PODN: variants seen among roughly 807,000 people sequenced by gnomAD.
The protein encoded by PODN is podocan.
A neutral mutation model predicts 52.7 loss-of-function variants in PODN; 40 were observed. That is an observed-to-expected ratio of 0.76 (90% CI 0.59 to 0.99). The LOEUF (loss-of-function observed/expected upper bound fraction) is 0.99. Ranked by LOEUF, PODN falls within the 50% of genes least tolerant of loss-of-function variation. PODN has a pLI of 0.00. For synonymous variants in PODN, 396 were observed against 377.9 expected (o/e 1.05, Z -0.56); for missense variants, 720 against 815.1 (o/e 0.88, Z 1.42).
chr1:53,077,395 G>A (rs759999985), intron 6 of PODN, 49 bp downstream of exon 6: 1 of 1,601,322 alleles, frequency 6.2e-7, no homozygotes, highest in Non-Finnish European at 8.5e-7. Flanking sequence ...CACAGCCAGG[G>A]CACTGGGGCA....
At chr1:53,081,918 G>C (rs749379661) in intron 9 of PODN, 63 bp from the exon 10 acceptor site, 16 of 1,530,538 alleles carry the variant, frequency 1.0e-5, no homozygotes, top group Admixed American at 4.0e-5. Context: ...GAGGCCAGTC[G>C]GGGGAAGGGA....
At chr1:53,070,307 C>G in intron 2 of PODN, 140 bp downstream of exon 2, 1 of 1,336,464 alleles carries the variant, frequency 7.5e-7, no homozygotes, top group Non-Finnish European at 1.0e-6. Flanking sequence ...CCACAGGGTG[C>G]TGGGGCAGGT....
At chr1:53,071,511 C>T (rs1644116157) in intron 2 of PODN, 24 bp from the exon 3 acceptor site, 1 of 1,592,158 alleles carries the variant, frequency 6.3e-7, no homozygotes, top group Non-Finnish European at 8.6e-7. Context: ...GATGCTGCTT[C>T]CTTGCGGCCC....
At chr1:53,068,745 C>T (rs1407864198) in intron 1 of PODN, among the ~76,000 whole-genome samples, 1 of 152,172 alleles carries the variant, frequency 6.6e-6, no homozygotes, top group African/African-American at 2.4e-5. Context: ...CCAGAGATGT[C>T]TGAGTCCCTG....
intron 5 of PODN, among the ~76,000 whole-genome samples, chr1:53,076,455 C>T (rs1036367403): frequency 1.3e-5 from 2 of 152,168 alleles, no homozygotes; most frequent in Non-Finnish European, 2.9e-5. Flanking sequence ...CTGTACACGG[C>T]CCCATCCCAC....
In PODN at chr1:53,063,482, TG is replaced by T. The variant is rs1394438382; in HGVS notation, c.-56+1177del. The T allele has an allele frequency of 4.1e-6, 4 of 985,242 alleles. No individual in the cohort carries two copies. In the African/African-American group the frequency reaches 7.0e-5, roughly 17 times the overall value. The allele number at this position is 985,242 out of a possible 1,614,324, so 61.0% of individuals were successfully genotyped here. A position where few individuals can be genotyped will look rare whatever the true frequency, so the allele number is the denominator to read the frequency against. ...TCCTTTATATAGAAACCTTCCACAC[TG>T]GGAAGGCAGCGGCGAGGCAGGAGGG... On this transcript the variant is annotated intron_variant, in intron 1 of 10. Transcript: ENST00000312553.
chr1:53,075,946 A>T lies in PODN; in HGVS notation c.556A>T (p.Thr186Ser). ...CTATCTCACCAAGATCTATGGGCTC[A>T]CCTTTGGCCAGAAGCCAAACTTGAG... The part of the protein sequence containing the change: ...ANYLTKIYGL[T>S]FGQKPNLRSV... Residue 186 changes from threonine (T) to serine (S), a missense_variant, in exon 5 of 11, where the codon ACC becomes TCC. Physicochemically the swap from Thr to Ser is moderately conservative, Grantham distance 58 (BLOSUM62 1). Coordinates refer to ENST00000312553, the MANE Select transcript of PODN (RefSeq NM_153703.5). 1.3e-6 allele frequency: 2 copies of T among 1,598,198 alleles called. No homozygotes were observed. The highest frequency in any genetic ancestry group is 1.7e-6 in the Non-Finnish European group (2 of 1,170,744).
intron 1 of PODN, among the ~76,000 whole-genome samples, chr1:53,062,567 C>T (rs1643973551): frequency 6.6e-6 from 1 of 152,232 alleles, no homozygotes; most frequent in Non-Finnish European, 1.5e-5. Context: ...CCAGGCCCCT[C>T]CCGCTGCGCA....
At chr1:53,077,369 G>A in intron 6 of PODN, 23 bp downstream of exon 6, 1 of 1,611,432 alleles carries the variant, frequency 6.2e-7, no homozygotes, top group Non-Finnish European at 8.5e-7. Flanking sequence ...GGGGTAAGGA[G>A]GGGCACAGCA....
intron 2 of PODN, chr1:53,071,228 T>G (rs1572263321): frequency 4.3e-6 from 1 of 233,772 alleles, no homozygotes; most frequent in Non-Finnish European, 8.2e-6. Context: ...TGTCACGAGG[T>G]GGGAACGCTC....
chr1:53,067,452 T>C (rs1390204553), intron 1 of PODN, among the ~76,000 whole-genome samples: 1 of 152,064 alleles, frequency 6.6e-6, no homozygotes, highest in East Asian at 1.9e-4. Flanking sequence ...CAGTGCCCAG[T>C]ACAGGCCCAG....
chr1:53,065,095 G>A (rs879541570), intron 1 of PODN, among the ~76,000 whole-genome samples: 27 of 152,250 alleles, frequency 1.8e-4, no homozygotes, highest in Admixed American at 1.7e-3. Flanking sequence ...TGGGTACAGT[G>A]GCTCATGCCT....
intron 1 of PODN, chr1:53,063,271 G>C: frequency 1.2e-6 from 1 of 801,158 alleles, no homozygotes; most frequent in Non-Finnish European, 1.5e-6. Flanking sequence ...CCCGGTGCGC[G>C]CGGCACTGAC....
intron 1 of PODN, among the ~76,000 whole-genome samples, chr1:53,063,878 G>A (rs1002835093): frequency 4.6e-5 from 7 of 152,098 alleles, no homozygotes; most frequent in Non-Finnish European, 8.8e-5. Context: ...TAGCATGGCG[G>A]TGGAGGCCCT....
chr1:53,067,915 T>TAAAAAA (rs71844234), intron 1 of PODN, among the ~76,000 whole-genome samples: 2 of 96,336 alleles, frequency 2.1e-5, no homozygotes, highest in African/African-American at 8.1e-5. Flanking sequence ...GGCCTTGTCT[T>TAAAAAA]AAAAAAAAAA....
At chr1:53,070,701 G>T (rs1260808420) in intron 2 of PODN, among the ~76,000 whole-genome samples, 2 of 152,252 alleles carry the variant, frequency 1.3e-5, no homozygotes, top group Admixed American at 6.5e-5. Flanking sequence ...AACAGCCCTA[G>T]GGAGACGGAG....
chr1:53,078,267 G>A lies in PODN; in HGVS notation c.855-98G>A, dbSNP rs1404848875. 6 of 1,249,610 alleles carry A rather than the reference G, an allele frequency of 4.8e-6. No homozygotes were observed. In the South Asian group the frequency reaches 5.5e-5, roughly 11 times the overall value. 77.4% of individuals were successfully genotyped at this position (1,249,610 alleles called of 1,614,324 possible). A position where few individuals can be genotyped will look rare whatever the true frequency, so the allele number is the denominator to read the frequency against. On this transcript the variant is annotated intron_variant, in intron 7 of 10. Coordinates refer to ENST00000312553, the MANE Select transcript of PODN (RefSeq NM_153703.5). ...TCAGTGAGCAGCAGAGCTGGGAGGA[G>A]CTAGTGGCAATTCCCCAGCCACATC...
chr1:53,077,352 C>A lies in PODN; in HGVS notation c.738+6C>A. The A allele has an allele frequency of 6.2e-7, 1 of 1,612,650 alleles. No homozygotes were observed. On this transcript the variant is annotated splice_donor_region_variant and intron_variant, in intron 6 of 10. Coordinates refer to ENST00000312553, the MANE Select transcript of PODN (RefSeq NM_153703.5). ...TGTACAAGCTGCACCTCAAGGTGGG[C>A]AGGGGAGGGGTAAGGAGGGGCACAG... is the stretch of plus-strand genomic sequence containing the variant.
At chr1:53,065,475 G>T (rs578107192) in intron 1 of PODN, among the ~76,000 whole-genome samples, 2 of 152,302 alleles carry the variant, frequency 1.3e-5, no homozygotes, top group African/African-American at 2.4e-5. Context: ...CCTGAGAGTG[G>T]CTGGCGAAGC....
Sources: allele counts gnomAD v4.1 joint callset (sites outside exome capture counted in the v4.1 genomes callset), GRCh38; gene constraint gnomAD v4.1.1; transcripts MANE v1.5; gene names NCBI Gene and HGNC (gene_info 2026-07-23, HGNC 2026-07-21).